The following APP variants were observed in gnomAD, a reference collection of about 807,000 sequenced individuals.
The protein encoded by APP is amyloid-beta precursor protein.
Under a neutral mutation model 101.4 loss-of-function variants are expected in APP, and 31 were observed. The ratio of observed to expected loss-of-function variants is 0.31; its 90% CI spans 0.23 to 0.41. The LOEUF is 0.41. APP is among the 10% of genes least tolerant of loss of function. APP has a pLI of 1.00. For synonymous variants in APP, 366 were observed against 364.4 expected (o/e 1.00, Z -0.05); for missense variants, 839 against 1,003.7 (o/e 0.84, Z 2.22).
In APP at chr21:26,055,910, C is replaced by T. The variant is rs561324613; in HGVS notation, c.356-2562G>A. On this transcript the variant is annotated intron_variant, in intron 3 of 17. Transcript: ENST00000346798. ...CATAAATCAGACAGTAAGTGCCAAA[C>T]CACAAAACCAAATCATCTTGTTTTA... Among the ~76,000 whole-genome samples, 6 of 152,306 alleles carry T rather than the reference C, an allele frequency of 3.9e-5. No homozygotes were observed. In the South Asian group the frequency reaches 1.0e-3, roughly 26 times the overall value.
At chr21:25,891,403 T>C (rs2070652) in intron 17 of APP, among the ~76,000 whole-genome samples, 16,251 of 152,048 alleles carry the variant, frequency 0.11, 892 homozygotes, top group South Asian at 0.13. Context: ...TTTTGTTGCT[T>C]GTGTTTGAAA....
At chr21:26,018,197 G>C (rs1699614881) in intron 6 of APP, among the ~76,000 whole-genome samples, 1 of 152,102 alleles carries the variant, frequency 6.6e-6, no homozygotes, top group Admixed American at 6.6e-5. Flanking sequence ...AGTTTTTTAT[G>C]AAGCACATTA....
chr21:26,050,460 T>C lies in APP; in HGVS notation c.662+540A>G, dbSNP rs544534638. Among the ~76,000 whole-genome samples the C allele has an allele frequency of 2.3e-3, 348 of 152,042 alleles. 2 individuals carry two copies. The highest frequency in any genetic ancestry group is 7.8e-3 in the African/African-American group (325 of 41,462). On this transcript the variant is annotated intron_variant, in intron 5 of 17. Transcript: ENST00000346798. ...CCTAAGAAAAAGAGGCGAAAATAGG[T>C]TTCTTTACAATCAACAAATCAAAGG...
intron 13 of APP, among the ~76,000 whole-genome samples, chr21:25,948,793 AG>A (rs1218756957): frequency 6.6e-6 from 1 of 152,238 alleles, no homozygotes; most frequent in Non-Finnish European, 1.5e-5. Flanking sequence ...CAGAGATTTA[AG>A]GAAGATTACA....
At chr21:26,165,244 T>G (rs893792704) in intron 1 of APP, among the ~76,000 whole-genome samples, 1 of 152,244 alleles carries the variant, frequency 6.6e-6, no homozygotes, top group Non-Finnish European at 1.5e-5. Flanking sequence ...ATACCCATTG[T>G]ACATCAACAT....
chr21:25,897,642 C>A lies in APP; in HGVS notation c.1995G>T (p.Glu665Asp). 1 of 1,613,920 alleles carries A rather than the reference C, an allele frequency of 6.2e-7. No individual in the cohort carries two copies. The highest frequency in any genetic ancestry group is 8.5e-7 in the Non-Finnish European group (1 of 1,179,844). Residue 665 changes from glutamate (E) to aspartate (D), a missense_variant, in exon 16 of 18, where the codon GAG becomes GAT. By Grantham distance (45) the Glu-to-Asp change is conservative (BLOSUM62 2). Coordinates refer to ENST00000346798, the MANE Select transcript of APP (RefSeq NM_000484.4). ...GSGLTNIKTE[E>D]ISEVKMDAEF... ...CTGCATCCATCTTCACTTCAGAGAT[C>A]TCCTCCGTCTTGATATTTGTCAACC... is the stretch of plus-strand genomic sequence containing the variant.
intron 7 of APP, among the ~76,000 whole-genome samples, chr21:25,997,710 T>G (rs2043112033): frequency 6.6e-6 from 1 of 152,208 alleles, no homozygotes; most frequent in Non-Finnish European, 1.5e-5. Flanking sequence ...CCAATTCCCT[T>G]CGATGCATTT....
At position 26,090,730 on chromosome 21, in the gene APP, C is replaced by A. The variant is rs532683986; in HGVS notation, c.226-658G>T. On this transcript the variant is annotated intron_variant, in intron 2 of 17. Transcript: ENST00000346798. ...GGATATTATGTTTAGTAAAATTCAACCTCCCCCTATCTCTCACTAATCGGA... is the reference window on the plus strand; with the variant it reads ...GGATATTATGTTTAGTAAAATTCAAACTCCCCCTATCTCTCACTAATCGGA... Among the ~76,000 whole-genome samples the A allele has an allele frequency of 4.6e-5, 7 of 152,210 alleles. No homozygotes were observed. In the South Asian group the frequency reaches 1.5e-3, roughly 32 times the overall value.
intron 7 of APP, among the ~76,000 whole-genome samples, chr21:25,998,028 G>A (rs2043122927): frequency 6.6e-6 from 1 of 152,348 alleles, no homozygotes; most frequent in South Asian, 2.1e-4. Flanking sequence ...CAAAGGGAGA[G>A]AGTGTTAGGT....
At chr21:25,944,471 C>A (rs2040718980) in intron 13 of APP, among the ~76,000 whole-genome samples, 1 of 152,186 alleles carries the variant, frequency 6.6e-6, no homozygotes, top group African/African-American at 2.4e-5. Flanking sequence ...AAACTGTTAA[C>A]TAATAATGGC....
At chr21:25,975,881 G>T in intron 10 of APP, 73 bp downstream of exon 10, 1 of 1,236,790 alleles carries the variant, frequency 8.1e-7, no homozygotes, top group Non-Finnish European at 1.2e-6. Context: ...GGCAGATAAA[G>T]GTAAACCTGC....
intron 13 of APP, among the ~76,000 whole-genome samples, chr21:25,925,196 C>G (rs1280524643): frequency 1.3e-5 from 2 of 151,332 alleles, no homozygotes; most frequent in Non-Finnish European, 2.9e-5. Flanking sequence ...TCCAGCTAGG[C>G]ATTTTGCCAC....
At chr21:26,054,102 A>T (rs1441640971) in intron 3 of APP, among the ~76,000 whole-genome samples, 1 of 152,226 alleles carries the variant, frequency 6.6e-6, no homozygotes, top group Non-Finnish European at 1.5e-5. Context: ...TTTAGCACAG[A>T]TTCTTGCACA....
chr21:26,027,722 G>C (rs73163780), intron 5 of APP, among the ~76,000 whole-genome samples: 27,472 of 151,924 alleles, frequency 0.18, 2,946 homozygotes, highest in South Asian at 0.27. Flanking sequence ...CTAGTTGTGT[G>C]GTCTTAAAAA....
At chr21:25,934,796 G>A (rs900887651) in intron 13 of APP, 1 of 152,288 alleles carries the variant, frequency 6.6e-6, no homozygotes, top group Middle Eastern at 3.4e-3. Context: ...GATGAATCAC[G>A]AGCTCTATGA....
At chr21:26,029,667 G>A (rs1490649948) in intron 5 of APP, among the ~76,000 whole-genome samples, 1 of 152,158 alleles carries the variant, frequency 6.6e-6, no homozygotes, top group Non-Finnish European at 1.5e-5. Flanking sequence ...ACAGAAAGTG[G>A]GCTCCAAGAA....
intron 1 of APP, among the ~76,000 whole-genome samples, chr21:26,152,047 CGGGGGG>C (rs1569037448): frequency 1.3e-5 from 2 of 151,888 alleles, no homozygotes; most frequent in African/African-American, 4.8e-5. Flanking sequence ...GAGGCCGAGG[CGGGGGG>C]ATCACGAGGT....
chr21:25,999,012 G>C (rs9981695), intron 7 of APP, among the ~76,000 whole-genome samples: 8,740 of 152,166 alleles, frequency 0.057, 816 homozygotes, highest in African/African-American at 0.2. Flanking sequence ...ATGTTCTGGC[G>C]GGGTGCAGTG....
chr21:26,047,148 C>G (rs545684421), intron 5 of APP, among the ~76,000 whole-genome samples: 1 of 152,222 alleles, frequency 6.6e-6, no homozygotes, highest in East Asian at 1.9e-4. Context: ...CTTTTTCATA[C>G]CTCTTTTTCA....
Sources: allele counts gnomAD v4.1 joint callset (sites outside exome capture counted in the v4.1 genomes callset), GRCh38; gene constraint gnomAD v4.1.1; transcripts MANE v1.5; gene names NCBI Gene and HGNC (gene_info 2026-07-23, HGNC 2026-07-21).